SPECC1: variants seen among roughly 807,000 people sequenced by gnomAD.
The protein encoded by SPECC1 is cytospin-B.
A neutral mutation model predicts 104.1 loss-of-function variants in SPECC1; 62 were observed. The ratio of observed to expected loss-of-function variants is 0.60; its 90% CI spans 0.49 to 0.74. The LOEUF is 0.74. SPECC1 is among the 30% of genes least tolerant of loss of function. The pLI is 0.00. For missense variants in SPECC1, 1,306 were observed against 1,310.5 expected, an observed-to-expected ratio of 1.00 and a Z score of 0.05; for synonymous variants, 513 against 501.6, an observed-to-expected ratio of 1.02 and a Z score of -0.30.
At chr17:20,079,879 G>A (rs1163323203) in intron 1 of SPECC1, among the ~76,000 whole-genome samples, 2 of 152,138 alleles carry the variant, frequency 1.3e-5, no homozygotes, top group South Asian at 2.1e-4. Flanking sequence ...GGCAGGAGGC[G>A]CAAGGAAACT....
Position 20,204,652 on chromosome 17 carries a change from C to T in SPECC1, c.603C>T (p.Asn201=), listed in dbSNP as rs759025744. ...AATACAAAGAGAAAAGGACTCTGAA[C>T]GCTGAGGGGACTGATGCTTTGGGCC... ...LKKYKEKRTL[N]AEGTDALGPN... is the part of the protein sequence containing the mutation. The change falls in exon 4 of 15, where the codon AAC becomes AAT. Residue 201 remains asparagine, a synonymous_variant. Coordinates refer to ENST00000395527, the MANE Select transcript of SPECC1 (RefSeq NM_001243439.2). 22 of 1,613,984 alleles carry T rather than the reference C, an allele frequency of 1.4e-5. No homozygotes were observed. The highest frequency in any genetic ancestry group is 1.6e-4 in the Middle Eastern group (1 of 6,084).
chr17:20,255,545 T>G (rs2039795040), intron 10 of SPECC1, among the ~76,000 whole-genome samples: 2 of 152,290 alleles, frequency 1.3e-5, no homozygotes, highest in South Asian at 4.1e-4. Flanking sequence ...AGCCTTAAAG[T>G]TTTCTATTGT....
chr17:20,298,110 G>C (rs1382119249), intron 13 of SPECC1, among the ~76,000 whole-genome samples: 4 of 152,162 alleles, frequency 2.6e-5, no homozygotes, highest in Non-Finnish European at 5.9e-5. Context: ...CCAGTACTTT[G>C]GGAGGCCGAA....
At chr17:20,273,112 A>C (rs1161257276) in intron 12 of SPECC1, among the ~76,000 whole-genome samples, 1 of 152,156 alleles carries the variant, frequency 6.6e-6, no homozygotes, top group Non-Finnish European at 1.5e-5. Context: ...GGGCACATCC[A>C]TTCTCCAGAG....
chr17:20,194,151 T>G (rs2035851550), intron 3 of SPECC1, among the ~76,000 whole-genome samples: 1 of 152,236 alleles, frequency 6.6e-6, no homozygotes, highest in African/African-American at 2.4e-5. Context: ...TTTAATTGAC[T>G]TTAATGGAAC....
chr17:20,217,103 C>T (rs1333232212), intron 4 of SPECC1, among the ~76,000 whole-genome samples: 3 of 152,196 alleles, frequency 2.0e-5, no homozygotes, highest in Non-Finnish European at 2.9e-5. Context: ...GCTTTGGTCT[C>T]AGCCACTTGA....
chr17:20,051,127 T>A (rs1264444631), intron 1 of SPECC1, among the ~76,000 whole-genome samples: 1 of 120,482 alleles, frequency 8.3e-6, no homozygotes, highest in African/African-American at 3.4e-5. Flanking sequence ...TTTCTTTCTT[T>A]CTTTCTTTCT....
intron 5 of SPECC1, among the ~76,000 whole-genome samples, chr17:20,228,152 C>T (rs1394483261): frequency 7.2e-5 from 11 of 152,140 alleles, no homozygotes; most frequent in Non-Finnish European, 1.3e-4. Flanking sequence ...GGCTGTTGAA[C>T]ATGAGTCAGC....
chr17:20,100,603 G>T (rs2047900157), intron 2 of SPECC1, among the ~76,000 whole-genome samples: 1 of 152,138 alleles, frequency 6.6e-6, no homozygotes, highest in African/African-American at 2.4e-5. Flanking sequence ...ACTGAAAGTA[G>T]AACTGAATAC....
chr17:20,236,562 ATG>A (rs1307831393), intron 7 of SPECC1, among the ~76,000 whole-genome samples: 1 of 150,044 alleles, frequency 6.7e-6, no homozygotes, highest in Non-Finnish European at 1.5e-5. Context: ...GGAGGGGCCT[ATG>A]GTGTTCATCC....
intron 3 of SPECC1, among the ~76,000 whole-genome samples, chr17:20,168,603 T>A (rs181412022): frequency 2.1e-3 from 318 of 152,210 alleles, no homozygotes; most frequent in Middle Eastern, 6.8e-3. Flanking sequence ...AGTAAGATTT[T>A]AAAAAAATGG....
intron 1 of SPECC1, among the ~76,000 whole-genome samples, chr17:20,067,787 G>C (rs1173999721): frequency 6.6e-6 from 1 of 151,962 alleles, no homozygotes; most frequent in Non-Finnish European, 1.5e-5. Flanking sequence ...TCTTCACAAA[G>C]TTATACAATA....
chr17:20,048,919 A>G (rs928737354), intron 1 of SPECC1, among the ~76,000 whole-genome samples: 1 of 152,046 alleles, frequency 6.6e-6, no homozygotes, highest in Non-Finnish European at 1.5e-5. Context: ...ATTCCCAGAC[A>G]TATCGCTTAA....
intron 3 of SPECC1, among the ~76,000 whole-genome samples, chr17:20,203,116 G>C (rs1161117936): frequency 2.0e-5 from 3 of 152,046 alleles, no homozygotes; most frequent in Admixed American, 6.5e-5. Flanking sequence ...TGGGGCTGCT[G>C]CCAGTCTATG....
At chr17:20,146,517 G>T (rs1159856209) in intron 3 of SPECC1, among the ~76,000 whole-genome samples, 3 of 152,198 alleles carry the variant, frequency 2.0e-5, no homozygotes, top group African/African-American at 7.2e-5. Flanking sequence ...AAACATTCAT[G>T]TGCAGGTTTT....
intron 3 of SPECC1, among the ~76,000 whole-genome samples, chr17:20,126,168 C>CCT (rs2049294730): frequency 6.6e-6 from 1 of 152,072 alleles, no homozygotes; most frequent in Non-Finnish European, 1.5e-5. Context: ...TTGGGCTCTT[C>CCT]CCCTGAAGTT....
rs946721443 is a variant in SPECC1, at chr17:20,305,941, G to A, written c.3058-82G>A. ...TTTATAATAGTGAATAATCTATATG[G>A]GAATATCAGTTGATATTCTTTCCTG... On this transcript the variant is annotated intron_variant, in intron 13 of 14. Coordinates refer to ENST00000395527, the MANE Select transcript of SPECC1 (RefSeq NM_001243439.2). 2.1e-5 allele frequency: 24 copies of A among 1,157,598 alleles called. No homozygotes were observed. The South Asian group carries it at 2.9e-4, about 14-fold the overall frequency. The allele number at this position is 1,157,598 out of a possible 1,614,324, so 71.7% of individuals were successfully genotyped here.
chr17:20,204,389 AC>A lies in SPECC1; in HGVS notation c.341del (p.Thr114MetfsTer34). On this transcript the variant is annotated frameshift_variant, in exon 4 of 15. Coordinates refer to ENST00000395527, the MANE Select transcript of SPECC1 (RefSeq NM_001243439.2). LOFTEE classifies it high-confidence loss of function. ...GIPAPREFSVTVSRERSVPRG... is the reference protein window; with the variant it reads ...GIPAPREFSVXVSRERSVPRG... Reference sequence around the variant, plus strand: ...TCCAGCCCCACGGGAATTTTCAGTAACTGTCTCAAGAGAGAGGTCTGTGCCA... The same window carrying A: ...TCCAGCCCCACGGGAATTTTCAGTAATGTCTCAAGAGAGAGGTCTGTGCCA... The A allele has an allele frequency of 6.2e-7, 1 of 1,613,974 alleles. No individual in the cohort carries two copies. Among genetic ancestry groups the A allele is most frequent in the East Asian group, 2.2e-5 (1 of 44,882 alleles).
intron 12 of SPECC1, among the ~76,000 whole-genome samples, chr17:20,291,416 T>G (rs1727406374): frequency 6.6e-6 from 1 of 152,200 alleles, no homozygotes; most frequent in African/African-American, 2.4e-5. Flanking sequence ...GCTAGAAATA[T>G]TTCTTTTTGT....
Sources: gnomAD v4.1 joint callset for allele counts (sites outside exome capture counted in the v4.1 genomes callset) on GRCh38, gnomAD v4.1.1 for gene constraint, MANE v1.5 for transcripts, NCBI Gene and HGNC (gene_info 2026-07-23, HGNC 2026-07-21) for gene names.